Variants in MYZAP observed in about 807,000 individuals in gnomAD.
MYZAP encodes GRINL1A complex locus upstream.
A neutral mutation model predicts 69.4 loss-of-function variants in MYZAP; 66 were observed. That is an observed-to-expected ratio of 0.95 (90% CI 0.78 to 1.17). MYZAP has a LOEUF of 1.17. Ranked by LOEUF, MYZAP falls within the 50% of genes most tolerant of loss-of-function variation. The probability of loss-of-function intolerance (pLI) is 0.00; values close to 1 mark genes in which losing one functional copy is unlikely to be tolerated. For missense variants in MYZAP, 611 were observed against 556.2 expected (o/e 1.10, Z -0.99); for synonymous variants, 256 against 205.9 (o/e 1.24, Z -2.09).
intron 10 of MYZAP, among the ~76,000 whole-genome samples, chr15:57,659,580 A>G (rs2038177170): frequency 6.6e-6 from 1 of 152,234 alleles, no homozygotes; most frequent in African/African-American, 2.4e-5. Flanking sequence ...TGTTACTGCT[A>G]ACAATCTTCT....
chr15:57,612,072 C>T (rs2035139976), intron 2 of MYZAP, among the ~76,000 whole-genome samples: 1 of 152,216 alleles, frequency 6.6e-6, no homozygotes, highest in Admixed American at 6.5e-5. Flanking sequence ...GATAGATACA[C>T]AGGTTGTACA....
intron 2 of MYZAP, among the ~76,000 whole-genome samples, chr15:57,607,563 C>T (rs1317841480): frequency 1.3e-5 from 2 of 152,156 alleles, no homozygotes; most frequent in Admixed American, 1.3e-4. Context: ...TACCCCTCAG[C>T]CCCCAGACAC....
chr15:57,610,798 G>A (rs1217287637), intron 2 of MYZAP, among the ~76,000 whole-genome samples: 1 of 152,106 alleles, frequency 6.6e-6, no homozygotes, highest in Non-Finnish European at 1.5e-5. Context: ...TGTCAGACAC[G>A]GAGGAGGAGC....
intron 10 of MYZAP, 68 bp downstream of exon 10, chr15:57,639,613 G>A (rs2037021545): frequency 1.3e-6 from 2 of 1,542,442 alleles, no homozygotes; most frequent in South Asian, 2.4e-5. Context: ...CCCAGAACAA[G>A]TCTGCCTTGC....
chr15:57,651,518 T>C (rs2037725921), intron 10 of MYZAP, among the ~76,000 whole-genome samples: 1 of 152,190 alleles, frequency 6.6e-6, no homozygotes, highest in Admixed American at 6.5e-5. Context: ...TTTGCAGCCA[T>C]AGGTTGTCAT....
At chr15:57,595,387 A>G (rs1295501372) in intron 1 of MYZAP, among the ~76,000 whole-genome samples, 1 of 152,244 alleles carries the variant, frequency 6.6e-6, no homozygotes, top group African/African-American at 2.4e-5. Flanking sequence ...CACAGCCAGA[A>G]GATGACCTTG....
At chr15:57,618,268 T>C in intron 3 of MYZAP, 80 bp downstream of exon 3, 1 of 1,534,826 alleles carries the variant, frequency 6.5e-7, no homozygotes, top group African/African-American at 1.4e-5. Flanking sequence ...AGCATTGAAG[T>C]GAATGTAATA....
At chr15:57,597,134 A>G (rs760068493) in intron 1 of MYZAP, among the ~76,000 whole-genome samples, 11 of 152,218 alleles carry the variant, frequency 7.2e-5, no homozygotes, top group Non-Finnish European at 1.3e-4. Flanking sequence ...GGTGACAAAT[A>G]CATGGGAATG....
chr15:57,598,625 T>C (rs1373256508), intron 1 of MYZAP, among the ~76,000 whole-genome samples: 1 of 152,208 alleles, frequency 6.6e-6, no homozygotes, highest in East Asian at 1.9e-4. Context: ...GAACTCAGAT[T>C]TGAATGTTAG....
In MYZAP at chr15:57,592,127, G is replaced by C; in HGVS notation, c.75+18G>C. 1 of 1,296,740 alleles carries C rather than the reference G, an allele frequency of 7.7e-7. No individual in the cohort carries two copies. The highest frequency in any genetic ancestry group is 9.8e-7 in the Non-Finnish European group (1 of 1,023,942). 80.3% of individuals were successfully genotyped at this position (1,296,740 alleles called of 1,614,324 possible). On this transcript the variant is annotated intron_variant, in intron 1 of 12. Transcript: ENST00000267853. ...GCAGGAGGGTGAGTAGCGGGGGCGG[G>C]AGCCGCCGCCGTCCCGTTCCCCCAT...
At chr15:57,652,669 G>T (rs1181153120) in intron 10 of MYZAP, among the ~76,000 whole-genome samples, 3 of 152,162 alleles carry the variant, frequency 2.0e-5, no homozygotes, top group Non-Finnish European at 4.4e-5. Flanking sequence ...GGATCAAGAG[G>T]CTGGGTTAAA....
intron 10 of MYZAP, among the ~76,000 whole-genome samples, chr15:57,659,203 A>T (rs776881832): frequency 6.6e-6 from 1 of 152,126 alleles, no homozygotes; most frequent in Non-Finnish European, 1.5e-5. Flanking sequence ...GAGACACCTC[A>T]TGTCCTTGTT....
At position 57,675,039 on chromosome 15, in the gene MYZAP, G is replaced by A; in HGVS notation, c.1275G>A (p.Glu425=). The part of the protein sequence containing the change: ...TQAKTEVETR[E]IGVGCDLLPS... ...CCAAGACCGAAGTGGAAACCAGAGA[G>A]ATAGGAGTGGGCTGTGATCTTCTAC... The change falls in exon 12 of 13, where the codon GAG becomes GAA. Residue 425 remains glutamate (E), a synonymous_variant. Transcript: ENST00000267853. 1 of 1,613,452 alleles carries A rather than the reference G, an allele frequency of 6.2e-7. No homozygotes were observed. Among genetic ancestry groups the A allele is most frequent in the African/African-American group, 1.3e-5 (1 of 75,010 alleles).
At chr15:57,598,453 G>C (rs1381255659) in intron 1 of MYZAP, among the ~76,000 whole-genome samples, 1 of 152,126 alleles carries the variant, frequency 6.6e-6, no homozygotes, top group African/African-American at 2.4e-5. Context: ...CTGAGCGAGC[G>C]CCCATCATGT....
intron 2 of MYZAP, among the ~76,000 whole-genome samples, chr15:57,615,846 C>T (rs1289821646): frequency 6.6e-6 from 1 of 152,158 alleles, no homozygotes; most frequent in Non-Finnish European, 1.5e-5. Context: ...GAAACAAGTA[C>T]AAGGAATCAC....
intron 11 of MYZAP, among the ~76,000 whole-genome samples, chr15:57,670,618 C>G (rs549280377): frequency 6.6e-6 from 1 of 152,032 alleles, no homozygotes; most frequent in African/African-American, 2.4e-5. Flanking sequence ...GCTACCATTT[C>G]ATTATTTGTT....
chr15:57,625,383 C>T (rs796142679), intron 4 of MYZAP, among the ~76,000 whole-genome samples: 4 of 152,274 alleles, frequency 2.6e-5, no homozygotes, highest in African/African-American at 9.6e-5. Flanking sequence ...GAGACCAAAG[C>T]ATATTCTCTC....
intron 2 of MYZAP, among the ~76,000 whole-genome samples, chr15:57,604,703 C>T (rs1162744964): frequency 6.6e-6 from 1 of 152,188 alleles, no homozygotes; most frequent in Non-Finnish European, 1.5e-5. Context: ...CTATTGTGAG[C>T]AGCTGGCGGG....
chr15:57,679,025 A>G (rs2039289314), intron 12 of MYZAP, among the ~76,000 whole-genome samples: 1 of 152,092 alleles, frequency 6.6e-6, no homozygotes, highest in South Asian at 2.1e-4. Context: ...AAAAATAAGA[A>G]ATTAGCCAGG....
Sources: gnomAD v4.1 joint callset for allele counts (sites outside exome capture counted in the v4.1 genomes callset) on GRCh38, gnomAD v4.1.1 for gene constraint, MANE v1.5 for transcripts, NCBI Gene and HGNC (gene_info 2026-07-23, HGNC 2026-07-21) for gene names.